THSD7B: variants seen among roughly 807,000 people sequenced by gnomAD.
THSD7B encodes the protein thrombospondin type-1 domain-containing protein 7B.
In THSD7B, 138 loss-of-function variants were observed where a neutral mutation model predicts 213.6. The ratio of observed to expected loss-of-function variants is 0.65; its 90% CI spans 0.56 to 0.74. The LOEUF (loss-of-function observed/expected upper bound fraction) is 0.74, where lower values mean the gene tolerates loss of function less well. THSD7B is among the 30% of genes least tolerant of loss of function. The pLI, the probability that THSD7B is intolerant of heterozygous loss-of-function variation, is 0.00. For missense variants in THSD7B, 1,931 were observed against 1,991.5 expected (o/e 0.97, Z 0.58); for synonymous variants, 742 against 687.0 (o/e 1.08, Z -1.25).
intron 2 of THSD7B, among the ~76,000 whole-genome samples, chr2:136,983,371 G>GACACACACACACACACACACACACACACA (rs1398395384): frequency 1.6e-4 from 23 of 141,102 alleles, no homozygotes; most frequent in Admixed American, 2.9e-4. Flanking sequence ...ACACACACAC[G>GACACACACACACACACACACACACACACA]CACACACACT....
chr2:136,892,574 G>A (rs1683881304), intron 2 of THSD7B, among the ~76,000 whole-genome samples: 1 of 151,716 alleles, frequency 6.6e-6, no homozygotes, highest in Admixed American at 6.6e-5. Context: ...AGTATTTCAC[G>A]TATATCCTCT....
intron 1 of THSD7B, among the ~76,000 whole-genome samples, chr2:136,813,345 C>T (rs72850058): frequency 0.14 from 21,888 of 151,992 alleles, 1,707 homozygotes; most frequent in Middle Eastern, 0.31. Flanking sequence ...TTAAACCCTT[C>T]GGATTAGCCC....
intron 3 of THSD7B, among the ~76,000 whole-genome samples, chr2:137,077,874 G>C (rs1275269129): frequency 6.6e-6 from 1 of 152,044 alleles, no homozygotes; most frequent in Non-Finnish European, 1.5e-5. Flanking sequence ...CATTGCTTTT[G>C]GTGTTTTAGA....
intron 13 of THSD7B, among the ~76,000 whole-genome samples, chr2:137,408,097 G>A (rs1686570063): frequency 6.6e-6 from 1 of 151,876 alleles, no homozygotes; most frequent in Non-Finnish European, 1.5e-5. Flanking sequence ...CAAAGTAAAG[G>A]ATCACTGATA....
chr2:136,829,007 TGTTA>T (rs930739068), intron 1 of THSD7B, among the ~76,000 whole-genome samples: 12 of 152,188 alleles, frequency 7.9e-5, no homozygotes, highest in African/African-American at 2.9e-4. Context: ...ATGAACTCTT[TGTTA>T]GTTATTTACA....
rs562353412 is a variant in THSD7B, at chr2:137,281,653, G to A, written c.2500+5627G>A. The stretch of plus-strand genomic sequence containing the variant: ...CCACCTATGAGTGAGAACATGCAGT[G>A]TTTGGTTTTTTGTCCTTGAGATAGT... On this transcript the variant is annotated intron_variant, in intron 12 of 27. Transcript: ENST00000409968. 8.1e-4 allele frequency among the ~76,000 whole-genome samples: 123 copies of A among 151,400 alleles called. 1 individual carries two copies. The highest frequency in any genetic ancestry group is 2.9e-3 in the African/African-American group (118 of 41,232).
At chr2:137,228,636 C>T (rs538126565) in intron 7 of THSD7B, among the ~76,000 whole-genome samples, 7 of 152,268 alleles carry the variant, frequency 4.6e-5, no homozygotes, top group Middle Eastern at 3.4e-3. Flanking sequence ...ATCCTTCCAA[C>T]GCCTGAAATA....
At chr2:136,992,800 T>C (rs1253511834) in intron 2 of THSD7B, among the ~76,000 whole-genome samples, 2 of 152,148 alleles carry the variant, frequency 1.3e-5, no homozygotes, top group African/African-American at 4.8e-5. Context: ...TACTAGCAAT[T>C]GTAAGTCAGC....
intron 12 of THSD7B, among the ~76,000 whole-genome samples, chr2:137,388,937 C>T (rs563233338): frequency 6.6e-6 from 1 of 151,864 alleles, no homozygotes; most frequent in Admixed American, 6.6e-5. Flanking sequence ...TATGTTGATT[C>T]CATATCGTTG....
chr2:136,890,226 G>C (rs1009559490), intron 2 of THSD7B, among the ~76,000 whole-genome samples: 3 of 151,598 alleles, frequency 2.0e-5, no homozygotes, highest in African/African-American at 7.3e-5. Flanking sequence ...AGGTAAGCCT[G>C]TTTTCTTTAT....
In THSD7B at chr2:137,316,674, C is replaced by T. The variant is rs377711013; in HGVS notation, c.2500+40648C>T. Among the ~76,000 whole-genome samples the T allele has an allele frequency of 8.1e-4, 121 of 149,178 alleles. 1 individual carries two copies. The highest frequency in any genetic ancestry group is 1.2e-3 in the East Asian group (6 of 4,884). On this transcript the variant is annotated intron_variant, in intron 12 of 27. Coordinates refer to ENST00000409968, the MANE Select transcript of THSD7B (RefSeq NM_001316349.2). ...TCAGGAAGCTGAGGCAGGAGAATGG[C>T]GTGAACCCTGGAGGCGGAGCTTGCA...
At chr2:137,619,914 G>C (rs1004431563) in intron 19 of THSD7B, among the ~76,000 whole-genome samples, 2 of 152,142 alleles carry the variant, frequency 1.3e-5, no homozygotes, top group Non-Finnish European at 2.9e-5. Context: ...AACACATGTT[G>C]AATGTCAAAG....
At chr2:137,154,297 C>G (rs1679869786) in intron 5 of THSD7B, among the ~76,000 whole-genome samples, 1 of 151,950 alleles carries the variant, frequency 6.6e-6, no homozygotes, top group Non-Finnish European at 1.5e-5. Context: ...TTCTTTTTGT[C>G]CTAAGGGAAA....
At chr2:137,292,492 A>G (rs1365839491) in intron 12 of THSD7B, among the ~76,000 whole-genome samples, 1 of 152,096 alleles carries the variant, frequency 6.6e-6, no homozygotes, top group African/African-American at 2.4e-5. Context: ...TTTTGGAATG[A>G]CATGTATGGC....
chr2:137,611,352 T>C (rs555014804), intron 17 of THSD7B, among the ~76,000 whole-genome samples: 2 of 152,190 alleles, frequency 1.3e-5, no homozygotes, highest in African/African-American at 4.8e-5. Context: ...TATTGCCGGC[T>C]TTTACCCACT....
Position 137,339,738 on chromosome 2 carries a change from G to T in THSD7B, c.2500+63712G>T, listed in dbSNP as rs114014828. Among the ~76,000 whole-genome samples, 645 of 151,628 alleles carry T rather than the reference G, an allele frequency of 4.3e-3. 3 individuals carry two copies. Among genetic ancestry groups the T allele is most frequent in the African/African-American group, 0.015 (611 of 41,488 alleles). On this transcript the variant is annotated intron_variant, in intron 12 of 27. Coordinates refer to ENST00000409968, the MANE Select transcript of THSD7B (RefSeq NM_001316349.2). ...GAGGAAGGGGACAGACAGGGAAAGG[G>T]CTGTTGTTTTTTCTCACTTCCATAT...
At chr2:137,556,653 G>A (rs1392399399) in intron 15 of THSD7B, among the ~76,000 whole-genome samples, 2 of 152,150 alleles carry the variant, frequency 1.3e-5, no homozygotes, top group Non-Finnish European at 2.9e-5. Context: ...AAAATAACCA[G>A]CTAACATCAT....
intron 7 of THSD7B, among the ~76,000 whole-genome samples, chr2:137,204,035 T>C (rs1422394114): frequency 6.6e-6 from 1 of 152,040 alleles, no homozygotes; most frequent in Non-Finnish European, 1.5e-5. Context: ...TTACAGCTGC[T>C]AGGAAATCAA....
At chr2:137,181,867 G>A (rs895651586) in intron 7 of THSD7B, among the ~76,000 whole-genome samples, 3 of 152,010 alleles carry the variant, frequency 2.0e-5, no homozygotes, top group African/African-American at 7.3e-5. Flanking sequence ...GAGATGTCTA[G>A]TTTTTCCCAA....
Sources: allele counts gnomAD v4.1 joint callset (sites outside exome capture counted in the v4.1 genomes callset), GRCh38; gene constraint gnomAD v4.1.1; transcripts MANE v1.5; gene names NCBI Gene and HGNC (gene_info 2026-07-23, HGNC 2026-07-21).